C17orf67: variants seen among roughly 807,000 people sequenced by gnomAD.
C17orf67 encodes chromosome 17 open reading frame 67.
A neutral mutation model predicts 11.2 loss-of-function variants in C17orf67; 12 were observed. That is an observed-to-expected ratio of 1.07 (90% CI 0.68 to 1.73). The LOEUF (loss-of-function observed/expected upper bound fraction) is 1.73, where lower values mean the gene tolerates loss of function less well. Ranked by LOEUF, C17orf67 falls within the 40% of genes most tolerant of loss-of-function variation. C17orf67 has a pLI of 0.00. For missense variants in C17orf67, 115 were observed against 113.5 expected, an observed-to-expected ratio of 1.01 and a Z score of -0.06; for synonymous variants, 59 against 46.9, an observed-to-expected ratio of 1.26 and a Z score of -1.05.
At chr17:56,809,848 C>T (rs770296233) in intron 6 of C17orf67, among the ~76,000 whole-genome samples, 4 of 142,170 alleles carry the variant, frequency 2.8e-5, no homozygotes, top group Non-Finnish European at 6.1e-5. Context: ...CTTACACATA[C>T]ACCCTCACAC....
At chr17:56,800,610 G>A (rs563261329) in intron 6 of C17orf67, among the ~76,000 whole-genome samples, 1 of 152,244 alleles carries the variant, frequency 6.6e-6, no homozygotes, top group South Asian at 2.1e-4. Context: ...CCTGTTGTTT[G>A]CTCTGCCTAG....
chr17:56,816,331 A>G (rs1905760848), intron 4 of C17orf67, among the ~76,000 whole-genome samples: 1 of 152,250 alleles, frequency 6.6e-6, no homozygotes, highest in African/African-American at 2.4e-5. Context: ...AGAGACAGAA[A>G]AACAGAGTTC....
At chr17:56,805,011 A>C (rs1487245334) in intron 6 of C17orf67, among the ~76,000 whole-genome samples, 2 of 152,232 alleles carry the variant, frequency 1.3e-5, no homozygotes, top group Non-Finnish European at 2.9e-5. Context: ...AAGAAGTAAC[A>C]ATCATTTAGT....
chr17:56,796,682 G>T (rs760359326), intron 6 of C17orf67, among the ~76,000 whole-genome samples: 2 of 152,104 alleles, frequency 1.3e-5, no homozygotes, highest in Non-Finnish European at 2.9e-5. Context: ...GCTATCTCCG[G>T]AATAGTTCTC....
intron 6 of C17orf67, among the ~76,000 whole-genome samples, chr17:56,799,871 T>C (rs1301750136): frequency 2.6e-5 from 4 of 152,094 alleles, no homozygotes; most frequent in Non-Finnish European, 5.9e-5. Context: ...CTTCAGTAGA[T>C]GTCTATTCAA....
intron 6 of C17orf67, among the ~76,000 whole-genome samples, chr17:56,814,226 G>T (rs1905699127): frequency 1.3e-5 from 2 of 152,272 alleles, no homozygotes; most frequent in Middle Eastern, 6.8e-3. Flanking sequence ...CCCTTCACTG[G>T]GTGGGGCTAA....
intron 2 of C17orf67, among the ~76,000 whole-genome samples, chr17:56,827,186 G>A (rs1906060845): frequency 1.3e-5 from 2 of 152,252 alleles, no homozygotes; most frequent in African/African-American, 2.4e-5. Context: ...GTGAGAAAGT[G>A]CGGAGGCTGA....
At chr17:56,821,291 G>A (rs1054246303) in intron 4 of C17orf67, among the ~76,000 whole-genome samples, 2 of 151,986 alleles carry the variant, frequency 1.3e-5, no homozygotes, top group African/African-American at 4.8e-5. Flanking sequence ...AATTCTAACA[G>A]TCCTCTCCAT....
intron 4 of C17orf67, among the ~76,000 whole-genome samples, chr17:56,820,458 G>A (rs542713307): frequency 2.6e-5 from 4 of 152,208 alleles, no homozygotes; most frequent in East Asian, 1.9e-4. Context: ...ACACACTCAC[G>A]CGGGGACAAT....
intron 2 of C17orf67, among the ~76,000 whole-genome samples, chr17:56,832,406 C>T (rs1906235006): frequency 6.6e-6 from 1 of 152,172 alleles, no homozygotes; most frequent in South Asian, 2.1e-4. Context: ...TTAACAACAA[C>T]AACAAAAAAC....
intron 4 of C17orf67, among the ~76,000 whole-genome samples, chr17:56,818,088 C>T (rs1419324923): frequency 1.3e-5 from 2 of 151,884 alleles, no homozygotes; most frequent in African/African-American, 4.8e-5. Flanking sequence ...AAGCAATTCT[C>T]CTACCTTGGC....
Position 56,833,313 on chromosome 17 carries a change from G to T in C17orf67, c.-972C>A. The T allele has an allele frequency of 6.5e-6, 1 of 154,722 alleles. No homozygotes were observed. Among genetic ancestry groups the T allele is most frequent in the South Asian group, 1.7e-4 (1 of 5,718 alleles). The allele number at this position is 154,722 out of a possible 1,614,324, so 9.6% of individuals were successfully genotyped here. A position where few individuals can be genotyped will look rare whatever the true frequency, so the allele number is the denominator to read the frequency against. On this transcript the variant is annotated 5_prime_UTR_variant, in exon 2 of 8. Coordinates refer to ENST00000397861, the MANE Select transcript of C17orf67 (RefSeq NM_001085430.4). ...CGTGTTGGGCTGGTAGGACTCCAGC[G>T]GGGAGCGAGCATTCCTCCGGAACCT...
intron 6 of C17orf67, among the ~76,000 whole-genome samples, chr17:56,807,597 T>C (rs1905483954): frequency 6.6e-6 from 1 of 152,184 alleles, no homozygotes; most frequent in African/African-American, 2.4e-5. Flanking sequence ...CATTCATCAC[T>C]AAGGAAACCT....
intron 2 of C17orf67, among the ~76,000 whole-genome samples, chr17:56,829,437 G>A (rs1173619941): frequency 3.9e-5 from 6 of 152,154 alleles, no homozygotes; most frequent in African/African-American, 1.4e-4. Flanking sequence ...AGAGGCCATG[G>A]GAGTCACCCC....
intron 4 of C17orf67, among the ~76,000 whole-genome samples, chr17:56,819,383 A>G (rs1905843106): frequency 6.6e-6 from 1 of 152,102 alleles, no homozygotes. Flanking sequence ...ACCACTCTCC[A>G]TCTCACAGCA....
intron 6 of C17orf67, among the ~76,000 whole-genome samples, chr17:56,800,254 A>G (rs1905289933): frequency 6.6e-6 from 1 of 151,952 alleles, no homozygotes; most frequent in African/African-American, 2.4e-5. Context: ...TTTAGTAGAG[A>G]CGGGGTTTCA....
intron 6 of C17orf67, among the ~76,000 whole-genome samples, chr17:56,808,865 T>G (rs1177827586): frequency 6.6e-6 from 1 of 152,222 alleles, no homozygotes; most frequent in Non-Finnish European, 1.5e-5. Flanking sequence ...TTCATACTTG[T>G]TTTCATTTTG....
chr17:56,816,441 C>A (rs1905763473), intron 4 of C17orf67, among the ~76,000 whole-genome samples: 1 of 152,170 alleles, frequency 6.6e-6, no homozygotes, highest in African/African-American at 2.4e-5. Flanking sequence ...GATAAGAGCA[C>A]CTACCTTGTG....
At chr17:56,826,319 A>G (rs1906030787) in intron 2 of C17orf67, among the ~76,000 whole-genome samples, 1 of 152,206 alleles carries the variant, frequency 6.6e-6, no homozygotes, top group African/African-American at 2.4e-5. Flanking sequence ...AGCGTTCTGC[A>G]TCAGCTAGGA....
Sources: allele counts gnomAD v4.1 joint callset (sites outside exome capture counted in the v4.1 genomes callset), GRCh38; gene constraint gnomAD v4.1.1; transcripts MANE v1.5; gene names NCBI Gene and HGNC (gene_info 2026-07-23, HGNC 2026-07-21).